NEGR1: variants seen among roughly 807,000 people sequenced by gnomAD.
NEGR1 encodes the protein neuronal growth regulator 1, also known as IgLON family member 4.
Under a neutral mutation model 40.9 loss-of-function variants are expected in NEGR1, and 10 were observed. The observed-to-expected ratio is 0.24, with a 90% CI of 0.15 to 0.42. NEGR1 has a LOEUF of 0.42. NEGR1 is among the 10% of genes least tolerant of loss of function. The pLI is 1.00. For missense variants in NEGR1, 352 were observed against 438.9 expected (o/e 0.80, Z 1.77); for synonymous variants, 185 against 166.8 (o/e 1.11, Z -0.84).
At chr1:72,233,379 T>C (rs1227803845) in intron 1 of NEGR1, among the ~76,000 whole-genome samples, 4 of 152,142 alleles carry the variant, frequency 2.6e-5, no homozygotes, top group African/African-American at 9.7e-5. Context: ...GTTTTGGGTG[T>C]GAATGATACT....
intron 2 of NEGR1, among the ~76,000 whole-genome samples, chr1:71,897,398 C>T (rs1661003296): frequency 6.6e-6 from 1 of 152,060 alleles, no homozygotes; most frequent in East Asian, 1.9e-4. Context: ...GTTACCTATC[C>T]CTTGAAAAGC....
intron 1 of NEGR1, among the ~76,000 whole-genome samples, chr1:71,960,502 A>T (rs1183585684): frequency 6.6e-6 from 1 of 152,220 alleles, no homozygotes. Context: ...AGGTTCTATA[A>T]TGTCTAGAAA....
At chr1:71,597,460 C>CTGTG (rs1185213578) in intron 5 of NEGR1, among the ~76,000 whole-genome samples, 36 of 64,788 alleles carry the variant, frequency 5.6e-4, no homozygotes, top group African/African-American at 1.7e-3. Context: ...CTCTCTCTCT[C>CTGTG]TCTCTCTCTC....
intron 1 of NEGR1, among the ~76,000 whole-genome samples, chr1:72,270,484 A>T (rs1159664515): frequency 6.6e-6 from 1 of 151,908 alleles, no homozygotes; most frequent in African/African-American, 2.4e-5. Flanking sequence ...CCATAAGAAC[A>T]TATCTAATCC....
rs200450747 is a variant in NEGR1, at chr1:71,808,111, T to C, written c.410-31814A>G. Among the ~76,000 whole-genome samples, 5 of 152,148 alleles carry C rather than the reference T, an allele frequency of 3.3e-5. No individual in the cohort carries two copies. The East Asian group carries it at 5.8e-4, about 18-fold the overall frequency. On this transcript the variant is annotated intron_variant, in intron 2 of 6. Coordinates refer to ENST00000357731, the MANE Select transcript of NEGR1 (RefSeq NM_173808.3). ...TGGCACATGATATCATACAACTTTT[T>C]GCAAGAAAAAGCAAAACATGCCAGT...
At chr1:71,580,755 G>A (rs1440325060) in intron 6 of NEGR1, among the ~76,000 whole-genome samples, 1 of 152,144 alleles carries the variant, frequency 6.6e-6, no homozygotes, top group Non-Finnish European at 1.5e-5. Flanking sequence ...CTCTATGTGA[G>A]CTAGGTGTTA....
chr1:71,980,774 C>T (rs576578736), intron 1 of NEGR1, among the ~76,000 whole-genome samples: 1 of 152,238 alleles, frequency 6.6e-6, no homozygotes, highest in South Asian at 2.1e-4. Context: ...GTGCCACTTC[C>T]TGCCCTATAT....
chr1:71,731,249 G>C (rs1484639962), intron 3 of NEGR1, among the ~76,000 whole-genome samples: 1 of 152,096 alleles, frequency 6.6e-6, no homozygotes, highest in African/African-American at 2.4e-5. Flanking sequence ...AATACCATAT[G>C]ACATATTTTG....
intron 1 of NEGR1, among the ~76,000 whole-genome samples, chr1:71,947,089 TACACAC>T (rs3078155): frequency 0.019 from 2,407 of 129,130 alleles, 38 homozygotes; most frequent in Middle Eastern, 0.077. Flanking sequence ...TCCTGTCTCA[TACACAC>T]ACACACACAC....
chr1:71,509,601 T>C lies in NEGR1; in HGVS notation c.940+83216A>G, dbSNP rs140688217. Among the ~76,000 whole-genome samples, 5 of 152,298 alleles carry C rather than the reference T, an allele frequency of 3.3e-5. No individual in the cohort carries two copies. In the East Asian group the frequency reaches 7.7e-4, roughly 24 times the overall value. On this transcript the variant is annotated intron_variant, in intron 6 of 6. Transcript: ENST00000357731. ...TTGGCCATTCCCTTCACTCTGGCAT[T>C]CCATAAAATACCCAAAAATACACAT... is the stretch of plus-strand genomic sequence containing the variant.
intron 6 of NEGR1, among the ~76,000 whole-genome samples, chr1:71,571,787 C>CAAAAAA (rs34844215): frequency 1.9e-5 from 2 of 106,520 alleles, no homozygotes; most frequent in African/African-American, 3.7e-5. Flanking sequence ...GCCCCTGTCT[C>CAAAAAA]AAAAAAAAAA....
At chr1:71,940,793 A>G (rs2100245014) in intron 1 of NEGR1, among the ~76,000 whole-genome samples, 1 of 152,282 alleles carries the variant, frequency 6.6e-6, no homozygotes, top group African/African-American at 2.4e-5. Context: ...AGCGAAAAAT[A>G]GCATATTTAG....
At chr1:71,701,039 T>G (rs1156973930) in intron 3 of NEGR1, among the ~76,000 whole-genome samples, 1 of 151,994 alleles carries the variant, frequency 6.6e-6, no homozygotes, top group Non-Finnish European at 1.5e-5. Context: ...TTAATTATCC[T>G]TTATAACCTC....
chr1:71,549,585 C>A (rs568559951), intron 6 of NEGR1, among the ~76,000 whole-genome samples: 1 of 151,558 alleles, frequency 6.6e-6, no homozygotes, highest in African/African-American at 2.4e-5. Flanking sequence ...GAGGAAACTA[C>A]GGCACAGTGC....
intron 6 of NEGR1, among the ~76,000 whole-genome samples, chr1:71,434,893 C>A (rs902858108): frequency 1.2e-4 from 18 of 152,276 alleles, no homozygotes; most frequent in African/African-American, 4.1e-4. Context: ...AGATCAAGAC[C>A]ATCCTGGCTA....
chr1:71,877,332 C>G (rs1660460830), intron 2 of NEGR1, among the ~76,000 whole-genome samples: 1 of 152,114 alleles, frequency 6.6e-6, no homozygotes, highest in African/African-American at 2.4e-5. Flanking sequence ...TACTGGGTGA[C>G]TTAAACAACA....
At chr1:71,736,774 G>T (rs1053019148) in intron 3 of NEGR1, among the ~76,000 whole-genome samples, 9 of 152,120 alleles carry the variant, frequency 5.9e-5, no homozygotes, top group Admixed American at 1.3e-4. Flanking sequence ...TATAATAAAA[G>T]AACTAAATAT....
intron 1 of NEGR1, among the ~76,000 whole-genome samples, chr1:72,253,391 A>G (rs1296036887): frequency 6.6e-6 from 1 of 152,210 alleles, no homozygotes; most frequent in Non-Finnish European, 1.5e-5. Flanking sequence ...TTCAGATCAA[A>G]TCACAGAATC....
chr1:71,818,828 T>C lies in NEGR1; in HGVS notation c.410-42531A>G, dbSNP rs531245248. Among the ~76,000 whole-genome samples, 62 of 152,050 alleles carry C rather than the reference T, an allele frequency of 4.1e-4. 1 individual carries two copies. The highest frequency in any genetic ancestry group is 1.4e-3 in the African/African-American group (60 of 41,526). ...TGACCCACAGATGGTTATGGAGATATTAATAAAACACGACATCCATAGGAG... is the reference window on the plus strand; with the variant it reads ...TGACCCACAGATGGTTATGGAGATACTAATAAAACACGACATCCATAGGAG... On this transcript the variant is annotated intron_variant, in intron 2 of 6. Transcript: ENST00000357731.
Sources: gnomAD v4.1 joint callset for allele counts (sites outside exome capture counted in the v4.1 genomes callset) on GRCh38, gnomAD v4.1.1 for gene constraint, MANE v1.5 for transcripts, NCBI Gene and HGNC (gene_info 2026-07-23, HGNC 2026-07-21) for gene names.